The following TAGLN variants were observed in gnomAD, a reference collection of about 807,000 sequenced individuals.
TAGLN encodes the protein 22 kDa actin-binding protein.
A neutral mutation model predicts 21.9 loss-of-function variants in TAGLN; 16 were observed. The observed-to-expected ratio is 0.73, with a 90% CI of 0.49 to 1.11. TAGLN has a LOEUF of 1.11. Ranked by LOEUF, TAGLN falls within the 50% of genes least tolerant of loss-of-function variation. The pLI, the probability that TAGLN is intolerant of heterozygous loss-of-function variation, is 0.00. For missense variants in TAGLN, 248 were observed against 263.2 expected (o/e 0.94, Z 0.40); for synonymous variants, 96 against 94.9 (o/e 1.01, Z -0.06).
chr11:117,204,105 A>G, intron 4 of TAGLN, 110 bp from the exon 5 acceptor site: 1 of 1,511,820 alleles, frequency 6.6e-7, no homozygotes, highest in Non-Finnish European at 9.0e-7. Flanking sequence ...AGGGAAAAAA[A>G]GTGCAACAGG....
In TAGLN at chr11:117,205,536, C is replaced by G. The variant is rs1484283748; in HGVS notation, c.*1177C>G. 8.5e-6 allele frequency: 2 copies of G among 235,396 alleles called. No individual in the cohort carries two copies. Among genetic ancestry groups the G allele is most frequent in the African/African-American group, 4.4e-5 (2 of 45,410 alleles). The allele number at this position is 235,396 out of a possible 1,614,324, so 14.6% of individuals were successfully genotyped here. On this transcript the variant is annotated 3_prime_UTR_variant, in exon 5 of 5. Transcript: ENST00000392951. Reference sequence around the variant, plus strand: ...CTTGGGAATGGATAATGGAGGCAGCCGCTTTCAGGACAGGCATGTCCAGGG... The same window carrying G: ...CTTGGGAATGGATAATGGAGGCAGCGGCTTTCAGGACAGGCATGTCCAGGG...
chr11:117,205,221 TCA>T lies in TAGLN; in HGVS notation c.*865_*866del. On this transcript the variant is annotated 3_prime_UTR_variant, in exon 5 of 5. Coordinates refer to ENST00000392951, the MANE Select transcript of TAGLN (RefSeq NM_003186.5). ...GAGAAGGCCAAGGTTGAGAGAAGAG[TCA>T]CAGCCTGTCAGGCAGATAGCTGGCC... 4.3e-6 allele frequency: 1 copy of T among 232,856 alleles called. No individual in the cohort carries two copies. Among genetic ancestry groups the T allele is most frequent in the Non-Finnish European group, 8.5e-6 (1 of 117,792 alleles). 14.4% of individuals were successfully genotyped at this position (232,856 alleles called of 1,614,324 possible). A position where few individuals can be genotyped will look rare whatever the true frequency, so the allele number is the denominator to read the frequency against.
chr11:117,200,211 G>A (rs2075548), intron 1 of TAGLN: 5,847 of 152,312 alleles, frequency 0.038, 219 homozygotes, highest in East Asian at 0.2. Context: ...CTGTTTGTCC[G>A]TGGAGTGGAG....
chr11:117,203,149 G>A lies in TAGLN; in HGVS notation c.136G>A (p.Asp46Asn). Residue 46 changes from aspartate (D) to asparagine (N), a missense_variant, in exon 2 of 5, where the codon GAC becomes AAC. Physicochemically the swap from Asp to Asn is conservative, Grantham distance 23. Coordinates refer to ENST00000392951, the MANE Select transcript of TAGLN (RefSeq NM_003186.5). The surrounding 1 kb of genome is among the most constrained non-coding windows in gnomAD (Gnocchi z 4.4). ...VQCGPDVGRP[D>N]RGRLGFQVWL... ...GTGTGGCCCTGATGTGGGCCGCCCA[G>A]ACCGTGGGCGCTTGGGCTTCCAGGT... is the stretch of plus-strand genomic sequence containing the variant. The A allele has an allele frequency of 6.3e-7, 1 of 1,598,416 alleles. No individual in the cohort carries two copies. The highest frequency in any genetic ancestry group is 8.5e-7 in the Non-Finnish European group (1 of 1,170,532).
In TAGLN at chr11:117,203,514, G is replaced by A. The variant is rs766553946; in HGVS notation, c.358+30G>A. ...AGAGGAAGAGGCTGGGGGAGGAGGT[G>A]GGCAGGAGGACAGGGTGCTGGGACA... is the stretch of plus-strand genomic sequence containing the variant. On this transcript the variant is annotated intron_variant, in intron 3 of 4. Transcript: ENST00000392951. The surrounding 1 kb of genome is among the most constrained non-coding windows in gnomAD (Gnocchi z 4.4). 5 of 1,608,962 alleles carry A rather than the reference G, an allele frequency of 3.1e-6. No individual in the cohort carries two copies. The highest frequency in any genetic ancestry group is 2.2e-5 in the South Asian group (2 of 90,916).
In TAGLN at chr11:117,203,471, T is replaced by G; in HGVS notation, c.345T>G (p.Val115=). The G allele has an allele frequency of 6.2e-7, 1 of 1,614,044 alleles. No individual in the cohort carries two copies. ...GVIKTDMFQT[V]DLFEGKDMAA... ...TCAAGACTGACATGTTCCAGACTGT[T>G]GACCTCTTTGAAGGTAGAGAGGAAG... is the stretch of plus-strand genomic sequence containing the variant. Residue 115 remains valine (V), a synonymous_variant, in exon 3 of 5, where the codon GTT becomes GTG. Transcript: ENST00000392951. This position sits in a 1 kb window ranked among gnomAD's most constrained non-coding sequence, Gnocchi z 4.4.
chr11:117,204,316 C>A lies in TAGLN; in HGVS notation c.563C>A (p.Ala188Asp). ...GGCAGCAACAGAGGGGCCTCCCAGG[C>A]CGGCATGACAGGCTACGGACGACCT... ...QMGSNRGASQ[A>D]GMTGYGRPRQ... The change falls in exon 5 of 5, where the codon GCC becomes GAC. Residue 188 changes from alanine (A) to aspartate (D), a missense_variant. Ala to Asp is a moderately radical substitution (Grantham distance 126, BLOSUM62 -2). Transcript: ENST00000392951. 6.2e-7 allele frequency: 1 copy of A among 1,614,252 alleles called. No homozygotes were observed. The highest frequency in any genetic ancestry group is 8.5e-7 in the Non-Finnish European group (1 of 1,180,050).
chr11:117,206,251 C>T lies in TAGLN; in HGVS notation c.*1892C>T. Reference sequence around the variant, plus strand: ...CTCCGATGGGGCCAGTGGCAGGGTCCACTCCTACAAACTTGATTGGAAGCC... The same window carrying T: ...CTCCGATGGGGCCAGTGGCAGGGTCTACTCCTACAAACTTGATTGGAAGCC... On this transcript the variant is annotated 3_prime_UTR_variant, in exon 5 of 5. Coordinates refer to ENST00000392951, the MANE Select transcript of TAGLN (RefSeq NM_003186.5). The T allele has an allele frequency of 6.2e-7, 1 of 1,614,190 alleles. No individual in the cohort carries two copies. Among genetic ancestry groups the T allele is most frequent in the Non-Finnish European group, 8.5e-7 (1 of 1,180,024 alleles).
rs2031219187 is a variant in TAGLN at position 117,203,967 on chromosome 11, A to G, written c.461+83A>G. 2.3e-6 allele frequency: 3 copies of G among 1,295,858 alleles called. No homozygotes were observed. The highest frequency in any genetic ancestry group is 2.2e-6 in the Non-Finnish European group (2 of 899,308). 80.3% of individuals were successfully genotyped at this position (1,295,858 alleles called of 1,614,324 possible). A position where few individuals can be genotyped will look rare whatever the true frequency, so the allele number is the denominator to read the frequency against. ...AGGAGCTTGCGGGAAGGATTAGGGGAAGCAGATAGCCAAGAAAGGATAAAG... is the reference window on the plus strand; with the variant it reads ...AGGAGCTTGCGGGAAGGATTAGGGGGAGCAGATAGCCAAGAAAGGATAAAG... On this transcript the variant is annotated intron_variant, in intron 4 of 4. Transcript: ENST00000392951. The surrounding 1 kb of genome is among the most constrained non-coding windows in gnomAD (Gnocchi z 4.4).
Position 117,205,158 on chromosome 11 carries a change from G to C in TAGLN, c.*799G>C, listed in dbSNP as rs1292189700. On this transcript the variant is annotated 3_prime_UTR_variant, in exon 5 of 5. Coordinates refer to ENST00000392951, the MANE Select transcript of TAGLN (RefSeq NM_003186.5). ...GTGAAAAGAGAAAAACAAATCTTAA[G>C]CATTAAAAAAAATTCAACCAACTAG... 2 of 232,568 alleles carry C rather than the reference G, an allele frequency of 8.6e-6. No individual in the cohort carries two copies. The highest frequency in any genetic ancestry group is 1.2e-4 in the East Asian group (2 of 16,474). The allele number at this position is 232,568 out of a possible 1,614,324, so 14.4% of individuals were successfully genotyped here.
In TAGLN at chr11:117,205,046, G is replaced by A. The variant is rs925720355; in HGVS notation, c.*687G>A. 1 of 211,392 alleles carries A rather than the reference G, an allele frequency of 4.7e-6. No homozygotes were observed. Among genetic ancestry groups the A allele is most frequent in the African/African-American group, 2.3e-5 (1 of 44,074 alleles). The allele number at this position is 211,392 out of a possible 1,614,324, so 13.1% of individuals were successfully genotyped here. A position where few individuals can be genotyped will look rare whatever the true frequency, so the allele number is the denominator to read the frequency against. On this transcript the variant is annotated 3_prime_UTR_variant, in exon 5 of 5. Coordinates refer to ENST00000392951, the MANE Select transcript of TAGLN (RefSeq NM_003186.5). The stretch of plus-strand genomic sequence containing the variant: ...ATGCAGTGGCTTTGGGGAGACAGAG[G>A]AAAGGAGAGATTGCGAGTGGCAGAA...
rs753452966 is a variant in TAGLN, at chr11:117,204,389, C to T, written c.*30C>T. The T allele has an allele frequency of 1.2e-6, 2 of 1,613,990 alleles. No homozygotes were observed. The highest frequency in any genetic ancestry group is 1.7e-6 in the Non-Finnish European group (2 of 1,179,970). Reference sequence around the variant, plus strand: ...GAGAGGGCTAGCCCTGAGCCCGGCCCTCCCCCAGCTCCTTGGCTGCAGCCA... The same window carrying T: ...GAGAGGGCTAGCCCTGAGCCCGGCCTTCCCCCAGCTCCTTGGCTGCAGCCA... On this transcript the variant is annotated 3_prime_UTR_variant, in exon 5 of 5. Transcript: ENST00000392951.
Position 117,205,759 on chromosome 11 carries a change from C to G in TAGLN, c.*1400C>G. 1 of 411,064 alleles carries G rather than the reference C, an allele frequency of 2.4e-6. No individual in the cohort carries two copies. The highest frequency in any genetic ancestry group is 4.3e-6 in the Non-Finnish European group (1 of 231,642). 25.5% of individuals were successfully genotyped at this position (411,064 alleles called of 1,614,324 possible). ...GCCAAACCAAAGGGGGGCGCCAATC[C>G]CCTGTCCAACACCTTCTCACCAAAA... is the stretch of plus-strand genomic sequence containing the variant. On this transcript the variant is annotated 3_prime_UTR_variant, in exon 5 of 5. Transcript: ENST00000392951.
intron 1 of TAGLN, among the ~76,000 whole-genome samples, chr11:117,200,060 G>C (rs1448510889): frequency 2.0e-5 from 3 of 149,630 alleles, no homozygotes; most frequent in Admixed American, 1.3e-4. Context: ...TGGGGGGCGG[G>C]TACTGCCAAG....
At position 117,203,901 on chromosome 11, in the gene TAGLN, G is replaced by C; in HGVS notation, c.461+17G>C. 6.2e-7 allele frequency: 1 copy of C among 1,606,466 alleles called. No homozygotes were observed. Among genetic ancestry groups the C allele is most frequent in the Non-Finnish European group, 8.5e-7 (1 of 1,173,132 alleles). On this transcript the variant is annotated intron_variant, in intron 4 of 4. Transcript: ENST00000392951. This position sits in a 1 kb window ranked among gnomAD's most constrained non-coding sequence, Gnocchi z 4.4. ...GTTTATGAAGTATGTGGCCCCCAGGGAGCTTGGGTCTCCGCATGGGGTGGG... is the reference window on the plus strand; with the variant it reads ...GTTTATGAAGTATGTGGCCCCCAGGCAGCTTGGGTCTCCGCATGGGGTGGG...
Position 117,203,591 on chromosome 11 carries a change from C to A in TAGLN, c.358+107C>A. 7.3e-7 allele frequency: 1 copy of A among 1,374,846 alleles called. No homozygotes were observed. The highest frequency in any genetic ancestry group is 1.0e-6 in the Non-Finnish European group (1 of 995,890). The allele number at this position is 1,374,846 out of a possible 1,614,324, so 85.2% of individuals were successfully genotyped here. A position where few individuals can be genotyped will look rare whatever the true frequency, so the allele number is the denominator to read the frequency against. On this transcript the variant is annotated intron_variant, in intron 3 of 4. Transcript: ENST00000392951. This position sits in a 1 kb window ranked among gnomAD's most constrained non-coding sequence, Gnocchi z 4.4. ...ACAACTAGGGGTGTGCTTGCCCGCA[C>A]ACAGCAGGGATGGGATATGCCGAGA...
Position 117,203,655 on chromosome 11 carries a change from C to A in TAGLN, c.359-127C>A. On this transcript the variant is annotated intron_variant, in intron 3 of 4. Coordinates refer to ENST00000392951, the MANE Select transcript of TAGLN (RefSeq NM_003186.5). This position sits in a 1 kb window ranked among gnomAD's most constrained non-coding sequence, Gnocchi z 4.4. ...CTCACAGGGCCCACTGAGAGGCCTC[C>A]CTTGAATTGGGGACAACTCTTGGCC... 1 of 1,258,752 alleles carries A rather than the reference C, an allele frequency of 7.9e-7. No homozygotes were observed. The highest frequency in any genetic ancestry group is 1.1e-6 in the Non-Finnish European group (1 of 897,126). 78.0% of individuals were successfully genotyped at this position (1,258,752 alleles called of 1,614,324 possible).
chr11:117,206,117 G>A lies in TAGLN; in HGVS notation c.*1758G>A. ...GCTCCAGCAGGTCTGGGGCAAGGAG[G>A]TCAGAGGTGGTGGGAGGGCCCCTGC... On this transcript the variant is annotated 3_prime_UTR_variant, in exon 5 of 5. Transcript: ENST00000392951. 2 of 1,598,390 alleles carry A rather than the reference G, an allele frequency of 1.3e-6. No individual in the cohort carries two copies. Among genetic ancestry groups the A allele is most frequent in the Non-Finnish European group, 1.7e-6 (2 of 1,169,162 alleles).
Position 117,205,543 on chromosome 11 carries a change from A to G in TAGLN, c.*1184A>G, listed in dbSNP as rs532916499. The stretch of plus-strand genomic sequence containing the variant: ...ATGGATAATGGAGGCAGCCGCTTTC[A>G]GGACAGGCATGTCCAGGGGCTCCTC... On this transcript the variant is annotated 3_prime_UTR_variant, in exon 5 of 5. Transcript: ENST00000392951. The G allele has an allele frequency of 7.3e-4, 172 of 236,090 alleles. 1 individual carries two copies. The highest frequency in any genetic ancestry group is 1.2e-3 in the Non-Finnish European group (139 of 119,888). 14.6% of individuals were successfully genotyped at this position (236,090 alleles called of 1,614,324 possible).
Sources: allele counts gnomAD v4.1 joint callset (sites outside exome capture counted in the v4.1 genomes callset), GRCh38; gene constraint gnomAD v4.1.1; non-coding constraint Gnocchi (gnomAD v3.1); transcripts MANE v1.5; gene names NCBI Gene and HGNC (gene_info 2026-07-23, HGNC 2026-07-21).